The following THSD4 variants were observed in gnomAD, a reference collection of about 807,000 sequenced individuals.
THSD4 encodes thrombospondin type-1 domain-containing protein 4.
Under a neutral mutation model 119.0 loss-of-function variants are expected in THSD4, and 69 were observed. The ratio of observed to expected loss-of-function variants is 0.58; its 90% CI spans 0.48 to 0.71. THSD4 has a LOEUF of 0.71. Among genes scored for constraint, THSD4 ranks in the 30% least tolerant of loss-of-function variants. The probability of loss-of-function intolerance (pLI) is 0.00; values close to 1 mark genes in which losing one functional copy is unlikely to be tolerated. For missense variants in THSD4, 1,393 were observed against 1,391.1 expected (o/e 1.00, Z -0.02); for synonymous variants, 524 against 540.4 (o/e 0.97, Z 0.42).
intron 6 of THSD4, among the ~76,000 whole-genome samples, chr15:71,318,085 G>A (rs1472904873): frequency 6.6e-6 from 1 of 152,166 alleles, no homozygotes; most frequent in Non-Finnish European, 1.5e-5. Flanking sequence ...GTAGGGAAGG[G>A]AGGAAGGATT....
At chr15:71,547,027 A>G (rs2048847009) in intron 7 of THSD4, among the ~76,000 whole-genome samples, 1 of 152,192 alleles carries the variant, frequency 6.6e-6, no homozygotes, top group Admixed American at 6.5e-5. Flanking sequence ...TCAGTGGACG[A>G]GGTAGGGGCT....
intron 6 of THSD4, among the ~76,000 whole-genome samples, chr15:71,392,907 C>T (rs1331710110): frequency 1.3e-5 from 2 of 152,254 alleles, no homozygotes; most frequent in East Asian, 1.9e-4. Flanking sequence ...ACGATGAGCT[C>T]ATGCCACACT....
At chr15:71,472,352 A>G (rs1357474185) in intron 7 of THSD4, among the ~76,000 whole-genome samples, 1 of 152,210 alleles carries the variant, frequency 6.6e-6, no homozygotes, top group African/African-American at 2.4e-5. Flanking sequence ...TAGGCCTTCA[A>G]TACATATTAA....
At chr15:71,368,277 T>C (rs1346309641) in intron 6 of THSD4, among the ~76,000 whole-genome samples, 4 of 152,246 alleles carry the variant, frequency 2.6e-5, no homozygotes, top group African/African-American at 7.2e-5. Context: ...GTGCAGAAGC[T>C]CTTTAGTTGA....
At chr15:71,377,642 G>A (rs1301733646) in intron 6 of THSD4, among the ~76,000 whole-genome samples, 1 of 152,042 alleles carries the variant, frequency 6.6e-6, no homozygotes, top group African/African-American at 2.4e-5. Flanking sequence ...GCCTGCCTGT[G>A]GGTTTAGAGA....
At position 71,778,057 on chromosome 15, in the gene THSD4, T is replaced by G. The variant is rs537384969; in HGVS notation, c.*683T>G. ...CTGACAGGGAAACTGAGGCTCAACT[T>G]AAGTAATTGACCTGCCAGGTATATT... On this transcript the variant is annotated 3_prime_UTR_variant, in exon 18 of 18. Coordinates refer to ENST00000261862, the MANE Select transcript of THSD4 (RefSeq NM_024817.3). The G allele has an allele frequency of 6.6e-6, 1 of 152,564 alleles. No homozygotes were observed. Among genetic ancestry groups the G allele is most frequent in the Admixed American group, 6.5e-5 (1 of 15,334 alleles). 9.5% of individuals were successfully genotyped at this position (152,564 alleles called of 1,614,324 possible). A position where few individuals can be genotyped will look rare whatever the true frequency, so the allele number is the denominator to read the frequency against.
At chr15:71,568,765 GGT>G (rs1307216441) in intron 7 of THSD4, among the ~76,000 whole-genome samples, 3 of 151,806 alleles carry the variant, frequency 2.0e-5, no homozygotes, top group African/African-American at 7.3e-5. Context: ...AACAGGTCCC[GGT>G]GTGTGATGTT....
At chr15:71,608,237 A>ATATATATAT (rs1555431558) in intron 7 of THSD4, among the ~76,000 whole-genome samples, 5 of 111,592 alleles carry the variant, frequency 4.5e-5, no homozygotes, top group Admixed American at 2.2e-4. Context: ...AAAAAAAAAA[A>ATATATATAT]ATATATATAT....
chr15:71,379,522 G>A (rs150440982), intron 6 of THSD4, among the ~76,000 whole-genome samples: 7,244 of 134,530 alleles, frequency 0.054, 223 homozygotes, highest in Middle Eastern at 0.086. Context: ...GCAGTGGTGC[G>A]ATCTCGGCTT....
chr15:71,434,383 A>T (rs1290683759), intron 7 of THSD4, among the ~76,000 whole-genome samples: 1 of 138,884 alleles, frequency 7.2e-6, no homozygotes, highest in African/African-American at 2.6e-5. Context: ...CGAGTTTTGG[A>T]GTGTTATGAG....
chr15:71,332,297 G>A (rs1373804457), intron 6 of THSD4, among the ~76,000 whole-genome samples: 1 of 152,212 alleles, frequency 6.6e-6, no homozygotes, highest in Non-Finnish European at 1.5e-5. Context: ...GGAGGTCTGC[G>A]AAGAGCATTG....
At chr15:71,221,403 C>T (rs570036007) in intron 4 of THSD4, among the ~76,000 whole-genome samples, 47 of 152,328 alleles carry the variant, frequency 3.1e-4, no homozygotes, top group African/African-American at 1.1e-3. Context: ...TCTTTCAAAA[C>T]TGAAACTGTA....
chr15:71,346,308 G>A (rs1174586301), intron 6 of THSD4, among the ~76,000 whole-genome samples: 2 of 152,184 alleles, frequency 1.3e-5, no homozygotes, highest in Non-Finnish European at 2.9e-5. Flanking sequence ...CAGAAGTGAT[G>A]GGGTATTCTT....
chr15:71,705,333 C>T (rs995063163), intron 8 of THSD4, among the ~76,000 whole-genome samples: 2 of 152,088 alleles, frequency 1.3e-5, no homozygotes, highest in Admixed American at 6.5e-5. Flanking sequence ...ATTTGCACAC[C>T]GCAACTAACA....
chr15:71,319,390 C>G (rs371274571), intron 6 of THSD4, among the ~76,000 whole-genome samples: 4 of 131,564 alleles, frequency 3.0e-5, no homozygotes, highest in South Asian at 3.0e-4. Flanking sequence ...ATCCCTCCCC[C>G]CTCCCCCTTC....
At chr15:71,159,776 T>C (rs1354852252) in intron 3 of THSD4, among the ~76,000 whole-genome samples, 2 of 152,092 alleles carry the variant, frequency 1.3e-5, no homozygotes, top group Non-Finnish European at 2.9e-5. Flanking sequence ...ATGCCCTTTA[T>C]TTTTTTCTCT....
chr15:71,764,805 C>T (rs922099398), intron 15 of THSD4, among the ~76,000 whole-genome samples: 1 of 152,252 alleles, frequency 6.6e-6, no homozygotes, highest in Admixed American at 6.5e-5. Flanking sequence ...GTATGACAAT[C>T]AGGGCACCTA....
intron 3 of THSD4, among the ~76,000 whole-genome samples, chr15:71,176,057 G>A (rs1482957746): frequency 7.6e-6 from 1 of 131,132 alleles, no homozygotes; most frequent in Non-Finnish European, 1.6e-5. Flanking sequence ...AGACCATCGA[G>A]ACTAGGAAGA....
chr15:71,376,604 T>C (rs565085292), intron 6 of THSD4, among the ~76,000 whole-genome samples: 1 of 152,306 alleles, frequency 6.6e-6, no homozygotes, highest in African/African-American at 2.4e-5. Context: ...TCCCCCTTGC[T>C]CCCATTTGCA....
Sources: gnomAD v4.1 joint callset for allele counts (sites outside exome capture counted in the v4.1 genomes callset) on GRCh38, gnomAD v4.1.1 for gene constraint, MANE v1.5 for transcripts, NCBI Gene and HGNC (gene_info 2026-07-23, HGNC 2026-07-21) for gene names.